KRT8: variants seen among roughly 807,000 people sequenced by gnomAD.
The protein encoded by KRT8 is keratin 8.
A neutral mutation model predicts 43.0 loss-of-function variants in KRT8; 24 were observed. That is an observed-to-expected ratio of 0.56 (90% CI 0.40 to 0.78). The LOEUF (loss-of-function observed/expected upper bound fraction) is 0.78, where lower values mean the gene tolerates loss of function less well. Ranked by LOEUF, KRT8 falls within the 30% of genes least tolerant of loss-of-function variation. The pLI, the probability that KRT8 is intolerant of heterozygous loss-of-function variation, is 0.00. For synonymous variants in KRT8, 214 were observed against 261.2 expected (o/e 0.82, Z 1.74); for missense variants, 492 against 638.4 (o/e 0.77, Z 2.47).
exon 1 of KRT8, chr12:52,904,733 G>T: frequency 6.2e-7 from 1 of 1,612,838 alleles, no homozygotes; most frequent in Non-Finnish European, 8.5e-7. Context: ...CGGCCTGGAT[G>T]TTGGGGTCCA....
intron 2 of KRT8, among the ~76,000 whole-genome samples, chr12:52,921,600 C>T (rs1215828723): frequency 6.6e-6 from 1 of 152,058 alleles, no homozygotes; most frequent in Non-Finnish European, 1.5e-5. Context: ...CTTTGTGTCC[C>T]TCTAGCCTGG....
upstream of KRT8, among the ~76,000 whole-genome samples, chr12:52,908,225 G>GT (rs938742813): frequency 3.7e-4 from 55 of 148,898 alleles, no homozygotes; most frequent in East Asian, 3.9e-4. Flanking sequence ...GTCTGAACAA[G>GT]TTTTTTTTTT....
rs376076882 is a variant in KRT8 at position 52,898,444 on chromosome 12, G to A, written c.1261+17C>T. On this transcript the variant is annotated intron_variant, in intron 7 of 7. Transcript: ENST00000692008. ...GCCCTGCCTCCCGCCCTCATCCCAG[G>A]GCCCTGGGACACCCACCTGCATAGC... is the stretch of plus-strand genomic sequence containing the variant. 3 of 1,611,588 alleles carry A rather than the reference G, an allele frequency of 1.9e-6. No individual in the cohort carries two copies. The highest frequency in any genetic ancestry group is 1.3e-5 in the African/African-American group (1 of 74,830).
chr12:52,901,295 G>A (rs4403881), intron 2 of KRT8, 76 bp from the exon 3 acceptor site: 536,801 of 1,015,084 alleles, frequency 0.53, 146,421 homozygotes, highest in South Asian at 0.7. Context: ...AGACAGGGGC[G>A]TTGTGAAAAT....
chr12:52,897,608 G>A, exon 8 of KRT8: 2 of 1,598,156 alleles, frequency 1.3e-6, no homozygotes, highest in Non-Finnish European at 1.7e-6. Flanking sequence ...CATAGGCCGA[G>A]CTCAGACCAC....
rs376076882 is a variant in KRT8, at chr12:52,898,444, G to C, written c.1261+17C>G. On this transcript the variant is annotated intron_variant, in intron 7 of 7. Transcript: ENST00000692008. Reference sequence around the variant, plus strand: ...GCCCTGCCTCCCGCCCTCATCCCAGGGCCCTGGGACACCCACCTGCATAGC... The same window carrying C: ...GCCCTGCCTCCCGCCCTCATCCCAGCGCCCTGGGACACCCACCTGCATAGC... The C allele has an allele frequency of 1.9e-6, 3 of 1,611,588 alleles. No homozygotes were observed. The Admixed American group carries it at 5.0e-5, about 27-fold the overall frequency.
At chr12:52,920,789 C>A (rs921551782) in intron 2 of KRT8, among the ~76,000 whole-genome samples, 3 of 152,186 alleles carry the variant, frequency 2.0e-5, no homozygotes, top group South Asian at 2.1e-4. Context: ...CACCTGTAAT[C>A]CCAGTACTTT....
At chr12:52,907,791 A>T (rs1358636871), upstream of KRT8, among the ~76,000 whole-genome samples, 1 of 152,210 alleles carries the variant, frequency 6.6e-6, no homozygotes, top group Non-Finnish European at 1.5e-5. Context: ...AAGAGGCCAG[A>T]GTTGGCCTCT....
intron 2 of KRT8, among the ~76,000 whole-genome samples, chr12:52,946,158 T>G (rs2682292): frequency 0.5 from 76,471 of 151,886 alleles, 20,809 homozygotes; most frequent in African/African-American, 0.7. Context: ...GTCCCAGAAG[T>G]TTCCTAGCAG....
At chr12:52,928,774 C>A (rs1177275930) in intron 2 of KRT8, among the ~76,000 whole-genome samples, 1 of 152,136 alleles carries the variant, frequency 6.6e-6, no homozygotes, top group Non-Finnish European at 1.5e-5. Context: ...GGCGTGGTGG[C>A]AGGTGCCTGT....
exon 1 of KRT8, chr12:52,905,070 C>T: frequency 6.7e-7 from 1 of 1,503,174 alleles, no homozygotes; most frequent in Non-Finnish European, 8.8e-7. Context: ...GGAGAGCTCT[C>T]AGGAATGGCC....
intron 7 of KRT8, among the ~76,000 whole-genome samples, chr12:52,898,056 T>C (rs1941258572): frequency 6.6e-6 from 1 of 152,226 alleles, no homozygotes; most frequent in East Asian, 1.9e-4. Flanking sequence ...CCCAGCTACT[T>C]GGGAGGCCTG....
chr12:52,919,410 G>C (rs1045533299), intron 2 of KRT8, among the ~76,000 whole-genome samples: 1 of 149,598 alleles, frequency 6.7e-6, no homozygotes, highest in Admixed American at 6.7e-5. Flanking sequence ...GGGACTACAG[G>C]CATGTACCAC....
chr12:52,907,013 C>CACA, upstream of KRT8: 3 of 275,888 alleles, frequency 1.1e-5, no homozygotes, highest in South Asian at 3.3e-5. Context: ...CACACACACA[C>CACA]CCCACACATT....
intron 4 of KRT8, among the ~76,000 whole-genome samples, chr12:52,900,336 A>G (rs941453434): frequency 5.9e-5 from 9 of 152,150 alleles, no homozygotes; most frequent in African/African-American, 2.2e-4. Context: ...ATGACCTTGG[A>G]TACGTTATTT....
At chr12:52,923,404 C>T (rs1247264465) in intron 2 of KRT8, among the ~76,000 whole-genome samples, 1 of 151,884 alleles carries the variant, frequency 6.6e-6, no homozygotes, top group African/African-American at 2.4e-5. Flanking sequence ...ACCATTTATT[C>T]CTAAATTGTT....
exon 1 of KRT8, chr12:52,904,893 C>G: frequency 1.2e-6 from 2 of 1,612,822 alleles, no homozygotes. Context: ...GATGCGGGAA[C>G]CGGGCCCACT....
intron 2 of KRT8, among the ~76,000 whole-genome samples, chr12:52,924,442 C>A (rs1473373840): frequency 1.5e-5 from 2 of 137,350 alleles, no homozygotes; most frequent in East Asian, 4.0e-4. Context: ...GAGGGAGACT[C>A]CGTCTCAAAA....
At chr12:52,926,991 T>C (rs1942004791) in intron 2 of KRT8, among the ~76,000 whole-genome samples, 1 of 152,160 alleles carries the variant, frequency 6.6e-6, no homozygotes, top group Non-Finnish European at 1.5e-5. Flanking sequence ...TTCTATCCCA[T>C]GAGTCCTCTT....
Sources: allele counts gnomAD v4.1 joint callset (sites outside exome capture counted in the v4.1 genomes callset), GRCh38; gene constraint gnomAD v4.1.1; transcripts MANE v1.5; gene names NCBI Gene and HGNC (gene_info 2026-07-23, HGNC 2026-07-21).